The following USH2A variants were observed in gnomAD, a reference collection of about 807,000 sequenced individuals.
USH2A encodes the protein usherin.
A neutral mutation model predicts 538.9 loss-of-function variants in USH2A; 443 were observed. The ratio of observed to expected loss-of-function variants is 0.82; its 90% CI spans 0.76 to 0.89. The LOEUF (loss-of-function observed/expected upper bound fraction) is 0.89, where lower values mean the gene tolerates loss of function less well. Ranked by LOEUF, USH2A falls within the 40% of genes least tolerant of loss-of-function variation. USH2A has a pLI of 0.00. For missense variants in USH2A, 6,633 were observed against 6,324.8 expected (o/e 1.05, Z -1.65); for synonymous variants, 2,413 against 2,273.5 (o/e 1.06, Z -1.75).
intron 27 of USH2A, 79 bp downstream of exon 27, chr1:216,078,010 T>A: frequency 2.5e-6 from 4 of 1,572,112 alleles, no homozygotes; most frequent in Non-Finnish European, 3.5e-6. Context: ...TCTATTGCTA[T>A]CTCTTGAAAC....
chr1:215,648,900 C>T, intron 65 of USH2A, 134 bp from the exon 66 acceptor site: 1 of 874,922 alleles, frequency 1.1e-6, no homozygotes, highest in Admixed American at 1.8e-5. Flanking sequence ...TGGCATTTAG[C>T]ATGACATTTA....
At chr1:216,412,942 T>C (rs754886723) in intron 3 of USH2A, among the ~76,000 whole-genome samples, 1 of 152,090 alleles carries the variant, frequency 6.6e-6, no homozygotes, top group Admixed American at 6.6e-5. Context: ...GTTACAAGCA[T>C]GTCACTATTT....
At chr1:216,191,807 T>C (rs2034721691) in intron 19 of USH2A, among the ~76,000 whole-genome samples, 1 of 152,022 alleles carries the variant, frequency 6.6e-6, no homozygotes, top group African/African-American at 2.4e-5. Flanking sequence ...CTATTTCTTA[T>C]TTAATTTAGG....
chr1:216,417,210 A>T (rs2039590581), intron 3 of USH2A, among the ~76,000 whole-genome samples: 1 of 151,934 alleles, frequency 6.6e-6, no homozygotes, highest in Non-Finnish European at 1.5e-5. Flanking sequence ...AAGCCAAAAC[A>T]ATGAACAATT....
chr1:215,842,110 G>A (rs1663694790), intron 46 of USH2A, among the ~76,000 whole-genome samples: 2 of 152,156 alleles, frequency 1.3e-5, no homozygotes, highest in African/African-American at 4.8e-5. Context: ...GATCACCTGA[G>A]GTCAGGAGTT....
chr1:216,420,252 T>C (rs141175081), intron 2 of USH2A, among the ~76,000 whole-genome samples: 1,927 of 152,222 alleles, frequency 0.013, 19 homozygotes, highest in Non-Finnish European at 0.019. Flanking sequence ...CAGACTTATT[T>C]TCCCAAGCTT....
intron 27 of USH2A, among the ~76,000 whole-genome samples, chr1:216,077,074 G>T (rs1330452876): frequency 6.6e-6 from 1 of 152,052 alleles, no homozygotes; most frequent in African/African-American, 2.4e-5. Flanking sequence ...CTTCCTCTCT[G>T]CTCTTCAGTT....
chr1:216,037,238 G>A (rs968291165), intron 32 of USH2A, among the ~76,000 whole-genome samples: 1 of 152,112 alleles, frequency 6.6e-6, no homozygotes, highest in Non-Finnish European at 1.5e-5. Flanking sequence ...TGTTCAATGA[G>A]AGGAATGAGC....
chr1:215,840,683 C>G (rs999677684), intron 46 of USH2A, among the ~76,000 whole-genome samples: 1 of 152,124 alleles, frequency 6.6e-6, no homozygotes, highest in Non-Finnish European at 1.5e-5. Flanking sequence ...GAAAGCTGAG[C>G]TGCACATGCA....
intron 42 of USH2A, 142 bp downstream of exon 42, chr1:215,878,622 G>A (rs1231650021): frequency 5.1e-6 from 4 of 781,542 alleles, no homozygotes; most frequent in Non-Finnish European, 8.6e-6. Flanking sequence ...CAGTATGATA[G>A]TGTATGAAAG....
intron 3 of USH2A, among the ~76,000 whole-genome samples, chr1:216,399,706 A>G (rs2039274934): frequency 6.6e-6 from 1 of 152,056 alleles, no homozygotes; most frequent in African/African-American, 2.4e-5. Flanking sequence ...TCCGTGGCTC[A>G]GTGGGGAGTT....
At chr1:215,659,765 G>A (rs1457536776) in intron 64 of USH2A, among the ~76,000 whole-genome samples, 1 of 151,948 alleles carries the variant, frequency 6.6e-6, no homozygotes, top group Non-Finnish European at 1.5e-5. Flanking sequence ...AACCCTAATC[G>A]GTCTGTCTTC....
chr1:216,183,661 C>A (rs978937208), intron 20 of USH2A, among the ~76,000 whole-genome samples: 11 of 151,946 alleles, frequency 7.2e-5, no homozygotes, highest in African/African-American at 2.7e-4. Context: ...TTAAACCCTG[C>A]TAATTCATCC....
chr1:215,838,094 A>G lies in USH2A; in HGVS notation c.9268T>C (p.Cys3090Arg). Residue 3090 changes from cysteine (C) to arginine (R), a missense_variant, in exon 47 of 72, where the codon TGC (cysteine) becomes CGC (arginine). Coordinates refer to ENST00000307340, the MANE Select transcript of USH2A (RefSeq NM_206933.4). ...CTTTTCACGCAGGCATATATTGTGC[A>G]GACTTCAACCTGCAAACATTAGTTT... ...FTIYDIQVEV[C>R]TIYACVKSNG... 1 of 1,613,826 alleles carries G rather than the reference A, an allele frequency of 6.2e-7. No homozygotes were observed. Among genetic ancestry groups the G allele is most frequent in the South Asian group, 1.1e-5 (1 of 91,084 alleles).
chr1:215,844,548 CAT>C (rs1274719740), intron 45 of USH2A, 52 bp from the exon 46 acceptor site: 9 of 1,578,990 alleles, frequency 5.7e-6, no homozygotes, highest in African/African-American at 1.3e-5. Context: ...TGAAAAAGCA[CAT>C]GTTAAGCTAA....
intron 23 of USH2A, among the ~76,000 whole-genome samples, chr1:216,087,330 T>C (rs1305375835): frequency 6.6e-6 from 1 of 152,140 alleles, no homozygotes; most frequent in Non-Finnish European, 1.5e-5. Flanking sequence ...GAACTAGACT[T>C]GTTTCTTGAG....
At chr1:216,284,713 G>A (rs529473790) in intron 11 of USH2A, among the ~76,000 whole-genome samples, 1 of 152,094 alleles carries the variant, frequency 6.6e-6, no homozygotes, top group East Asian at 1.9e-4. Context: ...AAGTTTGAAA[G>A]AGATTGGAGG....
intron 30 of USH2A, among the ~76,000 whole-genome samples, chr1:216,051,587 A>G (rs1357187304): frequency 6.6e-6 from 1 of 152,206 alleles, no homozygotes; most frequent in Non-Finnish European, 1.5e-5. Flanking sequence ...TTTAATCCTA[A>G]TGTCAATAAG....
chr1:216,149,944 C>T (rs1016082247), intron 21 of USH2A, among the ~76,000 whole-genome samples: 33 of 152,114 alleles, frequency 2.2e-4, no homozygotes, highest in Non-Finnish European at 4.1e-4. Context: ...TCCTGGAAGT[C>T]GCAAGTACTC....
Sources: allele counts gnomAD v4.1 joint callset (sites outside exome capture counted in the v4.1 genomes callset), GRCh38; gene constraint gnomAD v4.1.1; transcripts MANE v1.5; gene names NCBI Gene and HGNC (gene_info 2026-07-23, HGNC 2026-07-21).